MSRA: variants seen among roughly 807,000 people sequenced by gnomAD.
MSRA encodes mitochondrial peptide methionine sulfoxide reductase.
In MSRA, 54 loss-of-function variants were observed where a neutral mutation model predicts 31.3. The observed-to-expected ratio is 1.73, with a 90% CI of 1.39 to 2.17. The LOEUF is 2.17. Among genes scored for constraint, MSRA ranks in the 30% most tolerant of loss-of-function variants. The pLI, the probability that MSRA is intolerant of heterozygous loss-of-function variation, is 0.00. For missense variants in MSRA, 507 were observed against 300.9 expected (o/e 1.69, Z -5.07); for synonymous variants, 169 against 116.5 (o/e 1.45, Z -2.90).
intron 1 of MSRA, among the ~76,000 whole-genome samples, chr8:10,074,271 A>T (rs775758009): frequency 2.0e-5 from 3 of 151,366 alleles, no homozygotes; most frequent in African/African-American, 7.3e-5. Context: ...TTTAGTAGAG[A>T]TGGGGTTTCA....
chr8:10,269,394 C>G (rs181407819), intron 3 of MSRA, among the ~76,000 whole-genome samples: 1 of 152,300 alleles, frequency 6.6e-6, no homozygotes, highest in East Asian at 1.9e-4. Flanking sequence ...GATATATAGG[C>G]CTACTTATGG....
intron 5 of MSRA, among the ~76,000 whole-genome samples, chr8:10,415,005 A>AG (rs1808371242): frequency 6.6e-6 from 1 of 152,224 alleles, no homozygotes; most frequent in Non-Finnish European, 1.5e-5. Flanking sequence ...AAAAGCCAGC[A>AG]GACCTCAAAG....
At chr8:10,335,291 A>T (rs1417361845) in intron 5 of MSRA, among the ~76,000 whole-genome samples, 1 of 106,012 alleles carries the variant, frequency 9.4e-6, no homozygotes, top group Admixed American at 1.2e-4. Flanking sequence ...TTGAATTTGA[A>T]ATCCGGCCCT....
intron 3 of MSRA, among the ~76,000 whole-genome samples, chr8:10,292,748 T>A (rs1800312252): frequency 6.6e-6 from 1 of 152,024 alleles, no homozygotes; most frequent in East Asian, 1.9e-4. Flanking sequence ...GGACTGTGGG[T>A]AGCCTGGGAC....
intron 3 of MSRA, among the ~76,000 whole-genome samples, chr8:10,258,961 G>A (rs1253705656): frequency 6.6e-6 from 1 of 152,142 alleles, no homozygotes; most frequent in Non-Finnish European, 1.5e-5. Flanking sequence ...ACAAAAACTA[G>A]CCGGGTGTGG....
At chr8:10,073,766 C>T (rs541254118) in intron 1 of MSRA, among the ~76,000 whole-genome samples, 12 of 152,196 alleles carry the variant, frequency 7.9e-5, no homozygotes, top group Middle Eastern at 6.8e-3. Flanking sequence ...TTTCTATCAA[C>T]GGTAGCATTT....
At chr8:10,132,421 C>G (rs1343000658) in intron 1 of MSRA, among the ~76,000 whole-genome samples, 1 of 152,166 alleles carries the variant, frequency 6.6e-6, no homozygotes, top group Non-Finnish European at 1.5e-5. Flanking sequence ...AGTTTGGCTG[C>G]TATAGCAGCA....
chr8:10,360,528 C>T (rs1328220319), intron 5 of MSRA, among the ~76,000 whole-genome samples: 1 of 152,148 alleles, frequency 6.6e-6, no homozygotes, highest in Non-Finnish European at 1.5e-5. Context: ...TCCCAGAGCC[C>T]CCCAGCAAGA....
intron 1 of MSRA, among the ~76,000 whole-genome samples, chr8:10,207,249 A>G (rs1809076943): frequency 1.3e-5 from 2 of 152,226 alleles, no homozygotes; most frequent in East Asian, 3.9e-4. Flanking sequence ...GGGTGGGGGG[A>G]TAAGGAGCTG....
At position 10,173,818 on chromosome 8, in the gene MSRA, C is replaced by G. The variant is rs184232731; in HGVS notation, c.143-34015C>G. 2.5e-4 allele frequency among the ~76,000 whole-genome samples: 38 copies of G among 152,294 alleles called. No homozygotes were observed. The East Asian group carries it at 5.8e-3, about 23-fold the overall frequency. ...GTCCCATCTTAGGCATTTGCAATTG[C>G]AAATGACTACATTAACATTTAATTC... On this transcript the variant is annotated intron_variant, in intron 1 of 5. Transcript: ENST00000317173.
At chr8:10,079,230 C>G (rs1385148457) in intron 1 of MSRA, among the ~76,000 whole-genome samples, 1 of 152,030 alleles carries the variant, frequency 6.6e-6, no homozygotes, top group Non-Finnish European at 1.5e-5. Flanking sequence ...AGGATCTTGG[C>G]TTACTGCAGC....
intron 1 of MSRA, among the ~76,000 whole-genome samples, chr8:10,132,074 G>A (rs117521780): frequency 0.014 from 2,194 of 152,262 alleles, 19 homozygotes; most frequent in Non-Finnish European, 0.021. Flanking sequence ...TCACAGTTCA[G>A]ATAGAGTGAA....
chr8:10,318,020 G>A (rs1801826363), intron 4 of MSRA, among the ~76,000 whole-genome samples: 3 of 152,116 alleles, frequency 2.0e-5, no homozygotes, highest in Non-Finnish European at 4.4e-5. Flanking sequence ...TCCTCAGAAC[G>A]TTCCAAGCTT....
intron 1 of MSRA, among the ~76,000 whole-genome samples, chr8:10,160,434 G>T (rs894334205): frequency 2.6e-5 from 4 of 151,838 alleles, no homozygotes; most frequent in African/African-American, 9.7e-5. Context: ...GGCAGAGGTT[G>T]CAGTGAGCCA....
intron 1 of MSRA, among the ~76,000 whole-genome samples, chr8:10,169,166 C>T (rs1443210207): frequency 3.9e-5 from 6 of 152,212 alleles, no homozygotes; most frequent in Non-Finnish European, 2.9e-5. Context: ...GGGCAGACTC[C>T]TGATCTGTGG....
Position 10,428,408 on chromosome 8 carries a change from G to T in MSRA, c.*96G>T. The T allele has an allele frequency of 7.6e-7, 1 of 1,322,834 alleles. No homozygotes were observed. The highest frequency in any genetic ancestry group is 2.4e-5 in the East Asian group (1 of 41,482). The allele number at this position is 1,322,834 out of a possible 1,614,324, so 81.9% of individuals were successfully genotyped here. A position where few individuals can be genotyped will look rare whatever the true frequency, so the allele number is the denominator to read the frequency against. ...GATTCACAATCGTGGCATTTAAAGT[G>T]CACAAAGTACAAAGGAATTTATACA... On this transcript the variant is annotated 3_prime_UTR_variant, in exon 6 of 6. Coordinates refer to ENST00000317173, the MANE Select transcript of MSRA (RefSeq NM_012331.5).
At chr8:10,161,823 C>T (rs1486392199) in intron 1 of MSRA, among the ~76,000 whole-genome samples, 2 of 150,100 alleles carry the variant, frequency 1.3e-5, no homozygotes, top group Non-Finnish European at 2.9e-5. Flanking sequence ...TCGTGAATCC[C>T]GCCCCGCCCC....
chr8:10,244,405 C>T (rs893557573), intron 2 of MSRA, among the ~76,000 whole-genome samples: 12 of 152,104 alleles, frequency 7.9e-5, no homozygotes, highest in African/African-American at 2.9e-4. Flanking sequence ...GATCCTGTGG[C>T]CACTGGTATA....
intron 1 of MSRA, among the ~76,000 whole-genome samples, chr8:10,114,350 C>T (rs117716615): frequency 2.0e-5 from 3 of 152,216 alleles, no homozygotes; most frequent in South Asian, 2.1e-4. Context: ...GGGGGCCAGA[C>T]GTAAGAGTGG....
Sources: gnomAD v4.1 joint callset for allele counts (sites outside exome capture counted in the v4.1 genomes callset) on GRCh38, gnomAD v4.1.1 for gene constraint, MANE v1.5 for transcripts, NCBI Gene and HGNC (gene_info 2026-07-23, HGNC 2026-07-21) for gene names.